SGCZ: variants seen among roughly 807,000 people sequenced by gnomAD.
SGCZ encodes the protein sarcoglycan zeta, also known as zeta-sarcoglycan.
A neutral mutation model predicts 41.3 loss-of-function variants in SGCZ; 40 were observed. That is an observed-to-expected ratio of 0.97 (90% CI 0.75 to 1.26). The LOEUF is 1.26. Among genes scored for constraint, SGCZ ranks in the 50% most tolerant of loss-of-function variants. The pLI is 0.00. For synonymous variants in SGCZ, 206 were observed against 137.5 expected (o/e 1.50, Z -3.49); for missense variants, 552 against 369.8 (o/e 1.49, Z -4.04).
chr8:14,411,769 T>A (rs1168322115), intron 2 of SGCZ, among the ~76,000 whole-genome samples: 1 of 152,154 alleles, frequency 6.6e-6, no homozygotes, highest in Non-Finnish European at 1.5e-5. Flanking sequence ...ATATTAGTCA[T>A]CAATAAAACT....
chr8:14,364,594 T>C (rs1803634114), intron 2 of SGCZ, among the ~76,000 whole-genome samples: 2 of 152,140 alleles, frequency 1.3e-5, no homozygotes, highest in African/African-American at 2.4e-5. Context: ...TTATTTACTA[T>C]TTATCTGACC....
intron 2 of SGCZ, among the ~76,000 whole-genome samples, chr8:14,360,507 G>C (rs1482974579): frequency 6.6e-6 from 1 of 151,990 alleles, no homozygotes; most frequent in Admixed American, 6.6e-5. Flanking sequence ...TGAATTTTTA[G>C]TAGAGTCAGG....
chr8:15,000,902 C>G (rs991838907), intron 1 of SGCZ, among the ~76,000 whole-genome samples: 1 of 152,200 alleles, frequency 6.6e-6, no homozygotes, highest in Non-Finnish European at 1.5e-5. Flanking sequence ...CCCCTTAACC[C>G]ACCCACATGT....
chr8:14,486,292 G>A (rs1053199811), intron 2 of SGCZ, among the ~76,000 whole-genome samples: 1 of 152,092 alleles, frequency 6.6e-6, no homozygotes, highest in Non-Finnish European at 1.5e-5. Flanking sequence ...GAGGCCATAT[G>A]TTGAGTATGC....
chr8:14,135,175 T>C (rs1017552151), intron 5 of SGCZ, among the ~76,000 whole-genome samples: 2 of 152,202 alleles, frequency 1.3e-5, no homozygotes, highest in Non-Finnish European at 2.9e-5. Context: ...AATAGAGTAC[T>C]AGGCATATAG....
intron 1 of SGCZ, among the ~76,000 whole-genome samples, chr8:14,933,219 C>A (rs1172272302): frequency 6.6e-6 from 1 of 151,830 alleles, no homozygotes; most frequent in Non-Finnish European, 1.5e-5. Flanking sequence ...TGCATATGTA[C>A]CTCCTAAACC....
At chr8:14,827,911 G>C (rs550118783) in intron 1 of SGCZ, among the ~76,000 whole-genome samples, 1 of 152,034 alleles carries the variant, frequency 6.6e-6, no homozygotes, top group African/African-American at 2.4e-5. Context: ...GAATATACAA[G>C]GGATCTTCAA....
chr8:15,133,752 G>T (rs1033170405), intron 1 of SGCZ, among the ~76,000 whole-genome samples: 6 of 152,134 alleles, frequency 3.9e-5, no homozygotes, highest in Admixed American at 3.9e-4. Flanking sequence ...AATAAGAGTA[G>T]ACCATATCAG....
At chr8:15,168,194 C>T (rs1799720629) in intron 1 of SGCZ, among the ~76,000 whole-genome samples, 1 of 152,130 alleles carries the variant, frequency 6.6e-6, no homozygotes, top group Non-Finnish European at 1.5e-5. Flanking sequence ...CAATTCCAAG[C>T]TTCAGGTCAG....
At chr8:14,523,510 G>C (rs557386703) in intron 2 of SGCZ, among the ~76,000 whole-genome samples, 1 of 151,936 alleles carries the variant, frequency 6.6e-6, no homozygotes, top group African/African-American at 2.4e-5. Flanking sequence ...TGGTCGTGAC[G>C]GTTTCTGGTG....
Position 14,433,717 on chromosome 8 carries a change from C to T in SGCZ, c.235-109513G>A, listed in dbSNP as rs114753874. On this transcript the variant is annotated intron_variant, in intron 2 of 7. Coordinates refer to ENST00000382080, the MANE Select transcript of SGCZ (RefSeq NM_139167.4). ...ATAAACACGCTCTCTGAGGGTGAAG[C>T]AAATCTGATTTTCAATGTGAAAATA... Among the ~76,000 whole-genome samples, 1,214 of 152,248 alleles carry T rather than the reference C, an allele frequency of 8.0e-3. 20 individuals carry two copies. The highest frequency in any genetic ancestry group is 0.026 in the African/African-American group (1,060 of 41,562).
At chr8:14,146,542 A>C (rs1273070991) in intron 5 of SGCZ, among the ~76,000 whole-genome samples, 1 of 152,148 alleles carries the variant, frequency 6.6e-6, no homozygotes, top group African/African-American at 2.4e-5. Context: ...AAAACACAGA[A>C]TATTATAACA....
At chr8:14,432,550 G>A (rs1240559883) in intron 2 of SGCZ, among the ~76,000 whole-genome samples, 4 of 152,152 alleles carry the variant, frequency 2.6e-5, no homozygotes, top group East Asian at 1.9e-4. Flanking sequence ...AGGGGGTGAG[G>A]GATACTGCAA....
chr8:14,456,450 T>C (rs1444611371), intron 2 of SGCZ, among the ~76,000 whole-genome samples: 1 of 152,132 alleles, frequency 6.6e-6, no homozygotes, highest in Non-Finnish European at 1.5e-5. Flanking sequence ...AGAGGAAAAG[T>C]TCATGACATG....
chr8:14,802,270 G>A (rs374257263), intron 1 of SGCZ, among the ~76,000 whole-genome samples: 1 of 152,118 alleles, frequency 6.6e-6, no homozygotes, highest in Non-Finnish European at 1.5e-5. Context: ...TATTTAGAAG[G>A]TGCTTCCCCA....
At chr8:14,532,868 G>C (rs879109302) in intron 2 of SGCZ, among the ~76,000 whole-genome samples, 3 of 151,734 alleles carry the variant, frequency 2.0e-5, no homozygotes, top group Admixed American at 2.0e-4. Context: ...CTTTTGCTCT[G>C]AGCTTACTTG....
chr8:14,350,634 A>C (rs557561255), intron 2 of SGCZ, among the ~76,000 whole-genome samples: 1 of 152,140 alleles, frequency 6.6e-6, no homozygotes, highest in South Asian at 2.1e-4. Context: ...CTGAAGGTCA[A>C]TTACTGCTCC....
rs77089545 is a variant in SGCZ, at chr8:15,033,914, A to G, written c.39+203671T>C. 6.6e-3 allele frequency among the ~76,000 whole-genome samples: 1,010 copies of G among 152,350 alleles called. 19 individuals carry two copies. Among genetic ancestry groups the G allele is most frequent in the Admixed American group, 0.023 (353 of 15,304 alleles). On this transcript the variant is annotated intron_variant, in intron 1 of 7. Coordinates refer to ENST00000382080, the MANE Select transcript of SGCZ (RefSeq NM_139167.4). ...CCCACATCAAGCCAGCATGCAGGCC[A>G]TAACAGACAGCCTCCTCAGAATCTC...
At chr8:14,414,924 G>A (rs1278054800) in intron 2 of SGCZ, among the ~76,000 whole-genome samples, 1 of 151,906 alleles carries the variant, frequency 6.6e-6, no homozygotes, top group Admixed American at 6.6e-5. Flanking sequence ...ATGCTGATTA[G>A]ATACTTAAAA....
Sources: gnomAD v4.1 joint callset for allele counts (sites outside exome capture counted in the v4.1 genomes callset) on GRCh38, gnomAD v4.1.1 for gene constraint, MANE v1.5 for transcripts, NCBI Gene and HGNC (gene_info 2026-07-23, HGNC 2026-07-21) for gene names.